Variants in SLMAP observed in about 807,000 individuals in gnomAD.
SLMAP encodes the protein sarcolemma associated protein.
In SLMAP, 44 loss-of-function variants were observed where a neutral mutation model predicts 128.8. The ratio of observed to expected loss-of-function variants is 0.34; its 90% CI spans 0.27 to 0.44. The LOEUF (loss-of-function observed/expected upper bound fraction) is 0.44, where lower values mean the gene tolerates loss of function less well. Ranked by LOEUF, SLMAP falls within the 20% of genes least tolerant of loss-of-function variation. The pLI, the probability that SLMAP is intolerant of heterozygous loss-of-function variation, is 1.00. For missense variants in SLMAP, 787 were observed against 985.3 expected (o/e 0.80, Z 2.69); for synonymous variants, 327 against 348.8 (o/e 0.94, Z 0.70).
intron 17 of SLMAP, among the ~76,000 whole-genome samples, chr3:57,905,418 A>T (rs564535670): frequency 7.6e-4 from 115 of 152,098 alleles, no homozygotes; most frequent in Non-Finnish European, 1.2e-3. Flanking sequence ...AGTAGCTGGG[A>T]CTACAGGTGT....
chr3:57,849,782 C>G lies in SLMAP; in HGVS notation c.485C>G (p.Ser162Cys). Residue 162 changes from serine (S) to cysteine (C), a missense_variant, in exon 6 of 25, where the codon TCT becomes TGT. Coordinates refer to ENST00000671191, the MANE Select transcript of SLMAP (RefSeq NM_001377540.1). ...KVAANTPSMY[S>C]QELFQLSQYL... ...GCTGCTAACACTCCAAGTATGTACT[C>G]TCAGGAACTATTCCAGCTTTCTCAG... The G allele has an allele frequency of 6.3e-7, 1 of 1,578,240 alleles. No homozygotes were observed. The highest frequency in any genetic ancestry group is 8.7e-7 in the Non-Finnish European group (1 of 1,147,362).
At chr3:57,761,446 C>T (rs145311441) in intron 2 of SLMAP, among the ~76,000 whole-genome samples, 2,548 of 151,944 alleles carry the variant, frequency 0.017, 63 homozygotes, top group African/African-American at 0.059. Context: ...AGGCATTCAT[C>T]ACCATGCCTG....
At chr3:57,825,367 T>C (rs2092841037) in intron 2 of SLMAP, among the ~76,000 whole-genome samples, 1 of 152,076 alleles carries the variant, frequency 6.6e-6, no homozygotes, top group African/African-American at 2.4e-5. Context: ...ATGTTAGCTG[T>C]TGGTTTTTTA....
At chr3:57,818,004 C>T (rs942711560) in intron 2 of SLMAP, among the ~76,000 whole-genome samples, 4 of 152,048 alleles carry the variant, frequency 2.6e-5, no homozygotes, top group Admixed American at 1.3e-4. Context: ...GTTTTATAGG[C>T]GGTCTGGAGA....
At chr3:57,855,405 G>A (rs1479749409) in intron 6 of SLMAP, among the ~76,000 whole-genome samples, 2 of 151,744 alleles carry the variant, frequency 1.3e-5, no homozygotes, top group Non-Finnish European at 2.9e-5. Flanking sequence ...AAAAGAAAAA[G>A]ATAGAAAATG....
At chr3:57,875,964 C>T (rs985835413) in intron 14 of SLMAP, among the ~76,000 whole-genome samples, 1 of 152,184 alleles carries the variant, frequency 6.6e-6, no homozygotes, top group African/African-American at 2.4e-5. Context: ...CAAGTTCACA[C>T]AAGGTTTTTT....
At chr3:57,758,780 A>G (rs903036843) in intron 2 of SLMAP, among the ~76,000 whole-genome samples, 2 of 152,110 alleles carry the variant, frequency 1.3e-5, no homozygotes, top group South Asian at 2.1e-4. Context: ...AAAACTGTTT[A>G]TTTATGTTTG....
At chr3:57,841,422 G>A (rs766727563) in intron 4 of SLMAP, 51 bp downstream of exon 4, 3 of 1,031,040 alleles carry the variant, frequency 2.9e-6, no homozygotes, top group African/African-American at 1.6e-5. Flanking sequence ...GTACTGTAAA[G>A]AATTTAGTAA....
intron 6 of SLMAP, among the ~76,000 whole-genome samples, chr3:57,856,495 G>A (rs2094797483): frequency 6.6e-6 from 1 of 151,780 alleles, no homozygotes; most frequent in Admixed American, 6.6e-5. Context: ...ATTAGCCTAG[G>A]CCTACACAGT....
At chr3:57,794,983 C>T (rs1010127222) in intron 2 of SLMAP, among the ~76,000 whole-genome samples, 2 of 152,160 alleles carry the variant, frequency 1.3e-5, no homozygotes, top group African/African-American at 4.8e-5. Flanking sequence ...CCGTGTTTAA[C>T]ATCTTGAGGA....
chr3:57,907,016 G>A (rs868614578), intron 17 of SLMAP, among the ~76,000 whole-genome samples: 22 of 151,330 alleles, frequency 1.5e-4, no homozygotes, highest in Admixed American at 3.9e-4. Flanking sequence ...GCAGATTTTT[G>A]TTGTTGTTGC....
intron 2 of SLMAP, among the ~76,000 whole-genome samples, chr3:57,761,035 T>G (rs1432064256): frequency 6.6e-6 from 1 of 151,642 alleles, no homozygotes; most frequent in Non-Finnish European, 1.5e-5. Flanking sequence ...CCAGGTTTTT[T>G]TTTTTTTTTA....
At chr3:57,760,784 A>G (rs1025709895) in intron 2 of SLMAP, among the ~76,000 whole-genome samples, 3 of 151,256 alleles carry the variant, frequency 2.0e-5, no homozygotes, top group Non-Finnish European at 2.9e-5. Flanking sequence ...CTGGAGTGCA[A>G]TGGCGCGATC....
At chr3:57,919,917 G>A (rs1033545047) in intron 22 of SLMAP, among the ~76,000 whole-genome samples, 14 of 152,144 alleles carry the variant, frequency 9.2e-5, no homozygotes, top group South Asian at 4.2e-4. Flanking sequence ...ACCCCCTCAC[G>A]TACTGGAGGT....
intron 2 of SLMAP, among the ~76,000 whole-genome samples, chr3:57,795,599 C>T (rs1014456108): frequency 6.6e-6 from 1 of 151,690 alleles, no homozygotes; most frequent in African/African-American, 2.4e-5. Context: ...GATATAATTC[C>T]TGTATCAGAT....
At chr3:57,921,930 C>G (rs1197313480) in intron 22 of SLMAP, among the ~76,000 whole-genome samples, 1 of 152,154 alleles carries the variant, frequency 6.6e-6, no homozygotes, top group Admixed American at 6.5e-5. Flanking sequence ...GTCTCAAACT[C>G]CTGACCTCAG....
rs756034296 is a variant in SLMAP at position 57,927,276 on chromosome 3, C to G, written c.*7-20C>G. 6.4e-7 allele frequency: 1 copy of G among 1,569,170 alleles called. No homozygotes were observed. ...GAGAGGGGAGAATGTGATATTGACTCTTGGTTTCTTTCCACACAGAAACCC... is the reference window on the plus strand; with the variant it reads ...GAGAGGGGAGAATGTGATATTGACTGTTGGTTTCTTTCCACACAGAAACCC... On this transcript the variant is annotated intron_variant, in intron 24 of 24. Transcript: ENST00000671191.
intron 4 of SLMAP, among the ~76,000 whole-genome samples, chr3:57,843,446 C>T (rs1339101679): frequency 6.6e-6 from 1 of 151,272 alleles, no homozygotes; most frequent in Non-Finnish European, 1.5e-5. Flanking sequence ...GCTGGGACTA[C>T]AGGTGCACAC....
At chr3:57,802,281 C>CT (rs869137271) in intron 2 of SLMAP, among the ~76,000 whole-genome samples, 356 of 143,194 alleles carry the variant, frequency 2.5e-3, no homozygotes, top group Middle Eastern at 3.7e-3. Flanking sequence ...TCTTTGTGTG[C>CT]TTTTTTTTTT....
Sources: gnomAD v4.1 joint callset for allele counts (sites outside exome capture counted in the v4.1 genomes callset) on GRCh38, gnomAD v4.1.1 for gene constraint, MANE v1.5 for transcripts, NCBI Gene and HGNC (gene_info 2026-07-23, HGNC 2026-07-21) for gene names.